Variants in TMEM74 observed in about 807,000 individuals in gnomAD.
TMEM74 encodes the protein transmembrane protein 74.
Under a neutral mutation model 18.1 loss-of-function variants are expected in TMEM74, and 13 were observed. The ratio of observed to expected loss-of-function variants is 0.72; its 90% CI spans 0.47 to 1.14. The LOEUF (loss-of-function observed/expected upper bound fraction) is 1.14. TMEM74 is among the 50% of genes most tolerant of loss of function. TMEM74 has a pLI of 0.00. For missense variants in TMEM74, 372 were observed against 375.9 expected, an observed-to-expected ratio of 0.99 and a Z score of 0.09; for synonymous variants, 159 against 146.6, an observed-to-expected ratio of 1.08 and a Z score of -0.61.
chr8:108,714,134 C>T (rs1813500078), intron 1 of TMEM74, among the ~76,000 whole-genome samples: 1 of 152,194 alleles, frequency 6.6e-6, no homozygotes, highest in Non-Finnish European at 1.5e-5. Context: ...TCTCTAGAAA[C>T]ACCCTCACAG....
At chr8:108,685,595 T>A (rs1312129718) in intron 1 of TMEM74, among the ~76,000 whole-genome samples, 2 of 152,120 alleles carry the variant, frequency 1.3e-5, no homozygotes, top group African/African-American at 4.8e-5. Context: ...GTATTTTAAT[T>A]AAAGTCTTGA....
chr8:108,652,884 C>T (rs1466039834), intron 2 of TMEM74: 6 of 502,802 alleles, frequency 1.2e-5, no homozygotes, highest in South Asian at 9.5e-5. Context: ...GGATCTGCCT[C>T]ACTGGATTCA....
intron 1 of TMEM74, among the ~76,000 whole-genome samples, chr8:108,665,164 A>T (rs947581088): frequency 6.6e-6 from 1 of 152,160 alleles, no homozygotes; most frequent in African/African-American, 2.4e-5. Flanking sequence ...AGCATTTGAA[A>T]TTGGCCTCTC....
intron 1 of TMEM74, among the ~76,000 whole-genome samples, chr8:108,673,923 A>G (rs572370552): frequency 7.2e-5 from 11 of 152,316 alleles, no homozygotes; most frequent in South Asian, 2.1e-4. Context: ...TATGGCAAAT[A>G]TAGTTCTCAT....
chr8:108,665,652 C>T (rs574094066), intron 1 of TMEM74, among the ~76,000 whole-genome samples: 48 of 152,158 alleles, frequency 3.2e-4, no homozygotes, highest in Non-Finnish European at 1.2e-4. Flanking sequence ...TAAGATTGGT[C>T]CTTGCTAATG....
At chr8:108,764,161 G>T (rs1160502731) in intron 1 of TMEM74, among the ~76,000 whole-genome samples, 1 of 152,124 alleles carries the variant, frequency 6.6e-6, no homozygotes, top group Non-Finnish European at 1.5e-5. Context: ...AGATAAAGGA[G>T]AGGATGTCTC....
At chr8:108,652,895 C>T in intron 2 of TMEM74, 1 of 486,492 alleles carries the variant, frequency 2.1e-6, no homozygotes. Flanking sequence ...ACTGGATTCA[C>T]AGTAGACAGT....
intron 1 of TMEM74, among the ~76,000 whole-genome samples, chr8:108,667,934 T>C (rs1326010284): frequency 6.6e-6 from 1 of 152,152 alleles, no homozygotes; most frequent in Non-Finnish European, 1.5e-5. Context: ...TCTGCTTCAT[T>C]TTATGGACAC....
intron 1 of TMEM74, among the ~76,000 whole-genome samples, chr8:108,752,404 T>C (rs1375677960): frequency 3.9e-5 from 6 of 152,090 alleles, no homozygotes; most frequent in African/African-American, 1.2e-4. Flanking sequence ...CAGGAAATAT[T>C]TATTGAATGA....
intron 1 of TMEM74, among the ~76,000 whole-genome samples, chr8:108,745,983 A>G: frequency 6.6e-6 from 1 of 152,012 alleles, no homozygotes; most frequent in East Asian, 1.9e-4. Context: ...GCACCCCCTT[A>G]GAGTTGTGAG....
At chr8:108,702,378 A>T (rs1350830140) in intron 1 of TMEM74, among the ~76,000 whole-genome samples, 1 of 151,800 alleles carries the variant, frequency 6.6e-6, no homozygotes, top group Non-Finnish European at 1.5e-5. Flanking sequence ...AAAAGCCTCA[A>T]AATAAACCAA....
intron 1 of TMEM74, among the ~76,000 whole-genome samples, chr8:108,701,209 A>C (rs1024886546): frequency 2.0e-5 from 3 of 152,030 alleles, no homozygotes; most frequent in Non-Finnish European, 2.9e-5. Context: ...AAAAAAAAAA[A>C]AAAACAACTC....
chr8:108,739,033 CAT>C (rs1405122054), intron 1 of TMEM74, among the ~76,000 whole-genome samples: 10 of 152,090 alleles, frequency 6.6e-5, no homozygotes, highest in African/African-American at 2.4e-4. Context: ...GTAAGGTAGA[CAT>C]GTGTTCAGTT....
chr8:108,614,749 G>A (rs1248959815), intron 2 of TMEM74, among the ~76,000 whole-genome samples: 1 of 152,108 alleles, frequency 6.6e-6, no homozygotes, highest in Non-Finnish European at 1.5e-5. Context: ...CAGCAGGTGG[G>A]CATTGAGTGT....
intron 1 of TMEM74, among the ~76,000 whole-genome samples, chr8:108,721,247 G>A (rs1813584647): frequency 6.6e-6 from 1 of 152,134 alleles, no homozygotes; most frequent in Non-Finnish European, 1.5e-5. Flanking sequence ...AGACAGACAT[G>A]CTCCCCAAAC....
intron 1 of TMEM74, among the ~76,000 whole-genome samples, chr8:108,693,647 G>T (rs77854172): frequency 2.0e-5 from 3 of 152,178 alleles, no homozygotes; most frequent in Non-Finnish European, 4.4e-5. Context: ...AAATAGGTAC[G>T]GGGTGGTGTG....
intron 2 of TMEM74, among the ~76,000 whole-genome samples, chr8:108,609,675 A>G (rs1164804810): frequency 6.6e-6 from 1 of 152,180 alleles, no homozygotes; most frequent in Non-Finnish European, 1.5e-5. Flanking sequence ...ATAGATGTTT[A>G]TGAAAAGCAG....
intron 2 of TMEM74, among the ~76,000 whole-genome samples, chr8:108,640,978 A>G (rs1332457173): frequency 6.6e-6 from 1 of 152,230 alleles, no homozygotes; most frequent in Non-Finnish European, 1.5e-5. Flanking sequence ...TACTGAAAAT[A>G]ACTTTTGCTT....
chr8:108,745,178 C>G lies in TMEM74; in HGVS notation n.119+42298G>C, dbSNP rs1256330770. Among the ~76,000 whole-genome samples, 5 of 152,116 alleles carry G rather than the reference C, an allele frequency of 3.3e-5. No homozygotes were observed. The South Asian group carries it at 8.3e-4, about 25-fold the overall frequency. ...CCTCTGTTTAGTTGGGGGGACCACT[C>G]TCCTAATTTCCCCATAGGTTCCTGT... On this transcript the variant is annotated intron_variant and non_coding_transcript_variant, in intron 1 of 3. Coordinates refer to the TMEM74 transcript ENST00000518838.
Sources: allele counts gnomAD v4.1 joint callset (sites outside exome capture counted in the v4.1 genomes callset), GRCh38; gene constraint gnomAD v4.1.1; transcripts MANE v1.5; gene names NCBI Gene and HGNC (gene_info 2026-07-23, HGNC 2026-07-21).